Variants in CUX1 observed in about 807,000 individuals in gnomAD.
CUX1 encodes the protein protein CASP.
Under a neutral mutation model 158.8 loss-of-function variants are expected in CUX1, and 31 were observed. The observed-to-expected ratio is 0.20, with a 90% confidence interval of 0.15 to 0.26. CUX1 has a LOEUF of 0.26. Among genes scored for constraint, CUX1 ranks in the 10% least tolerant of loss-of-function variants. The probability of loss-of-function intolerance (pLI) is 1.00; values close to 1 mark genes in which losing one functional copy is unlikely to be tolerated. For synonymous variants in CUX1, 879 were observed against 862.1 expected (o/e 1.02, Z -0.34); for missense variants, 1,589 against 2,014.6 (o/e 0.79, Z 4.04).
intron 2 of CUX1, among the ~76,000 whole-genome samples, chr7:102,025,657 A>C (rs143828750): frequency 6.6e-6 from 1 of 152,156 alleles, no homozygotes; most frequent in Non-Finnish European, 1.5e-5. Context: ...TTGGTAAAGA[A>C]TCTGATTATT....
chr7:102,205,681 G>C (rs1472781946), intron 20 of CUX1, among the ~76,000 whole-genome samples: 2 of 152,198 alleles, frequency 1.3e-5, no homozygotes, highest in Admixed American at 1.3e-4. Context: ...TGAACGAATG[G>C]AGAGCTGGGG....
chr7:102,000,453 C>T (rs1415411973), intron 2 of CUX1, among the ~76,000 whole-genome samples: 1 of 152,218 alleles, frequency 6.6e-6, no homozygotes, highest in Non-Finnish European at 1.5e-5. Flanking sequence ...AGGAAGATCG[C>T]ATCTTGAGTT....
At position 101,873,744 on chromosome 7, in the gene CUX1, C is replaced by T. The variant is rs570111004; in HGVS notation, c.31-42371C>T. Among the ~76,000 whole-genome samples, 12 of 152,180 alleles carry T rather than the reference C, an allele frequency of 7.9e-5. No individual in the cohort carries two copies. The East Asian group carries it at 2.1e-3, about 27-fold the overall frequency. ...GATTACAGGCGTGCACTACCACACT[C>T]GGCTAATTTTTTGTATTTTTAGTAG... On this transcript the variant is annotated intron_variant, in intron 1 of 23. Coordinates refer to ENST00000292535, the MANE Select transcript of CUX1 (RefSeq NM_181552.4).
At chr7:102,117,089 C>A (rs1554492012) in intron 8 of CUX1, among the ~76,000 whole-genome samples, 1 of 152,070 alleles carries the variant, frequency 6.6e-6, no homozygotes, top group Non-Finnish European at 1.5e-5. Flanking sequence ...GCAGGGCACT[C>A]CCATTGGGAT....
At chr7:102,131,670 A>G (rs961331342) in intron 8 of CUX1, among the ~76,000 whole-genome samples, 1 of 143,638 alleles carries the variant, frequency 7.0e-6, no homozygotes, top group Non-Finnish European at 1.5e-5. Context: ...TTTTTATTTT[A>G]TTTATTTATT....
chr7:102,189,740 G>C, intron 11 of CUX1, 73 bp from the exon 12 acceptor site: 1 of 1,529,554 alleles, frequency 6.5e-7, no homozygotes, highest in Non-Finnish European at 9.1e-7. Flanking sequence ...CTGTTCCGCA[G>C]TGAATGCCGT....
At chr7:101,817,542 C>T, upstream of CUX1, 18 of 1,263,596 alleles carry the variant, frequency 1.4e-5, no homozygotes, top group South Asian at 7.3e-5. This position sits in a 1 kb window ranked among gnomAD's most constrained non-coding sequence, Gnocchi z 4.1. Context: ...CTGCCTGCCA[C>T]CCCCCGCCCG....
chr7:102,001,526 T>G (rs555797068), intron 2 of CUX1, among the ~76,000 whole-genome samples: 10 of 152,160 alleles, frequency 6.6e-5, no homozygotes, highest in East Asian at 5.8e-4. Context: ...GTATATTTAG[T>G]AGAGACAGGG....
chr7:101,924,115 G>A (rs997414679), intron 2 of CUX1, among the ~76,000 whole-genome samples: 9 of 152,266 alleles, frequency 5.9e-5, no homozygotes, highest in Admixed American at 3.9e-4. Flanking sequence ...CACTGTGTGC[G>A]GGGTAAGCCA....
chr7:102,179,431 C>T (rs139944793), intron 11 of CUX1, among the ~76,000 whole-genome samples: 53 of 152,232 alleles, frequency 3.5e-4, no homozygotes, highest in African/African-American at 1.2e-3. Context: ...CCAGCACTTC[C>T]GGTGCATGAG....
At chr7:101,877,797 T>C (rs2131528107) in intron 1 of CUX1, among the ~76,000 whole-genome samples, 1 of 110,482 alleles carries the variant, frequency 9.1e-6, no homozygotes, top group East Asian at 3.3e-4. Context: ...TGTGTGTGTG[T>C]GTGTGTTTAT....
At chr7:101,850,319 A>C (rs908053755) in intron 1 of CUX1, among the ~76,000 whole-genome samples, 1 of 151,784 alleles carries the variant, frequency 6.6e-6, no homozygotes, top group East Asian at 1.9e-4. Flanking sequence ...TCAACATTTT[A>C]TAAGGCTTAA....
At chr7:101,986,787 G>A (rs1814365258) in intron 2 of CUX1, among the ~76,000 whole-genome samples, 1 of 152,212 alleles carries the variant, frequency 6.6e-6, no homozygotes, top group South Asian at 2.1e-4. Flanking sequence ...CCCTACCAGA[G>A]CAGAGTCTTT....
chr7:102,269,368 A>G (rs1791041104), intron 14 of CUX1, among the ~76,000 whole-genome samples: 1 of 151,286 alleles, frequency 6.6e-6, no homozygotes, highest in Non-Finnish European at 1.5e-5. Flanking sequence ...TGTCCTTCTC[A>G]CATTGCAAAA....
chr7:101,908,114 T>C (rs1199435648), intron 1 of CUX1, among the ~76,000 whole-genome samples: 1 of 152,222 alleles, frequency 6.6e-6, no homozygotes, highest in Non-Finnish European at 1.5e-5. Flanking sequence ...ACTACCAGTA[T>C]CTTATGTTTG....
chr7:102,116,200 G>A (rs1282721463), intron 8 of CUX1, among the ~76,000 whole-genome samples: 3 of 152,086 alleles, frequency 2.0e-5, no homozygotes, highest in African/African-American at 7.2e-5. Context: ...CCCATCTCAC[G>A]TGACCTTGGG....
rs181310797 is a variant in CUX1 at position 102,065,206 on chromosome 7, G to A, written c.190-5133G>A. On this transcript the variant is annotated intron_variant, in intron 3 of 23. Coordinates refer to ENST00000292535, the MANE Select transcript of CUX1 (RefSeq NM_181552.4). Reference sequence around the variant, plus strand: ...AAGCGATCCTCCCACCTCAGCCTCCGAGGAGCTGGGACTACAGGCGTGTAC... The same window carrying A: ...AAGCGATCCTCCCACCTCAGCCTCCAAGGAGCTGGGACTACAGGCGTGTAC... 2.8e-4 allele frequency among the ~76,000 whole-genome samples: 42 copies of A among 151,912 alleles called. No individual in the cohort carries two copies. The East Asian group carries it at 6.0e-3, about 22-fold the overall frequency.
chr7:101,971,331 G>A (rs1235875562), intron 2 of CUX1, among the ~76,000 whole-genome samples: 2 of 152,180 alleles, frequency 1.3e-5, no homozygotes, highest in African/African-American at 4.8e-5. Flanking sequence ...GAGACTGGGA[G>A]TGAGTGGGAA....
At chr7:101,921,203 T>C (rs1416110499) in intron 2 of CUX1, among the ~76,000 whole-genome samples, 2 of 152,168 alleles carry the variant, frequency 1.3e-5, no homozygotes, top group Non-Finnish European at 1.5e-5. Flanking sequence ...AAGCCCCAGT[T>C]CTGTCATCTA....
Sources: allele counts gnomAD v4.1 joint callset (sites outside exome capture counted in the v4.1 genomes callset), GRCh38; gene constraint gnomAD v4.1.1; non-coding constraint Gnocchi (gnomAD v3.1); transcripts MANE v1.5; gene names NCBI Gene and HGNC (gene_info 2026-07-23, HGNC 2026-07-21).